Variants in PARN observed in about 807,000 individuals in gnomAD.
PARN encodes poly(A)-specific ribonuclease.
In PARN, 71 loss-of-function variants were observed where a neutral mutation model predicts 102.8. That is an observed-to-expected ratio of 0.69 (90% CI 0.57 to 0.84). The LOEUF (loss-of-function observed/expected upper bound fraction) is 0.84, where lower values mean the gene tolerates loss of function less well. Ranked by LOEUF, PARN falls within the 40% of genes least tolerant of loss-of-function variation. PARN has a pLI of 0.00. For missense variants in PARN, 782 were observed against 760.9 expected (o/e 1.03, Z -0.33); for synonymous variants, 261 against 252.9 (o/e 1.03, Z -0.30).
intron 13 of PARN, among the ~76,000 whole-genome samples, chr16:14,588,750 C>T (rs1352529829): frequency 2.0e-5 from 3 of 151,952 alleles, no homozygotes; most frequent in African/African-American, 4.8e-5. Flanking sequence ...GATGTGGTGG[C>T]GTACACCTGT....
intron 13 of PARN, chr16:14,591,801 G>C (rs1645351605): frequency 6.6e-6 from 1 of 152,198 alleles, no homozygotes; most frequent in South Asian, 2.1e-4. Context: ...ACTTTAGGAG[G>C]CTGAGGCGGG....
At chr16:14,609,169 G>A in intron 7 of PARN, 46 bp from the exon 8 acceptor site, 1 of 901,772 alleles carries the variant, frequency 1.1e-6, no homozygotes, top group Non-Finnish European at 1.7e-6. Flanking sequence ...TTTAAGGAAT[G>A]AAGTCATCAA....
chr16:14,461,489 G>T (rs1038660944), intron 22 of PARN, among the ~76,000 whole-genome samples: 1 of 152,142 alleles, frequency 6.6e-6, no homozygotes. Context: ...TATCCTTTGC[G>T]CTTTCAATGT....
At chr16:14,614,936 T>G (rs1346737813) in intron 6 of PARN, among the ~76,000 whole-genome samples, 1 of 141,026 alleles carries the variant, frequency 7.1e-6, no homozygotes, top group Non-Finnish European at 1.5e-5. Flanking sequence ...GGAGGACACC[T>G]AGCACAGCCT....
intron 21 of PARN, chr16:14,501,459 A>AAAAAAAAAAAAAAAC (rs1555487875): frequency 2.1e-5 from 3 of 143,834 alleles, no homozygotes; most frequent in East Asian, 2.0e-4. Flanking sequence ...AAAAAAAAAA[A>AAAAAAAAAAAAAAAC]ACAGAAAGAA....
At chr16:14,570,811 T>A (rs1337944816) in intron 18 of PARN, among the ~76,000 whole-genome samples, 2 of 107,746 alleles carry the variant, frequency 1.9e-5, no homozygotes, top group African/African-American at 7.3e-5. Flanking sequence ...GGCCCCCACC[T>A]CTACAAAAAA....
intron 6 of PARN, among the ~76,000 whole-genome samples, chr16:14,614,164 G>A (rs1361406024): frequency 1.3e-5 from 2 of 152,038 alleles, no homozygotes; most frequent in Non-Finnish European, 2.9e-5. Flanking sequence ...GGCTGAGGTG[G>A]GAGAATCACT....
At chr16:14,566,554 C>T (rs944981339) in intron 18 of PARN, among the ~76,000 whole-genome samples, 2 of 152,158 alleles carry the variant, frequency 1.3e-5, no homozygotes, top group Non-Finnish European at 2.9e-5. Flanking sequence ...TATTTTAAGC[C>T]ACCAAGCTTG....
intron 22 of PARN, among the ~76,000 whole-genome samples, chr16:14,481,270 G>C (rs971664940): frequency 6.6e-6 from 1 of 152,104 alleles, no homozygotes; most frequent in African/African-American, 2.4e-5. Flanking sequence ...AATAAATGCT[G>C]CATATTTACA....
rs1212926451 is a variant in PARN at position 14,509,026 on chromosome 16, T to C, written c.1481-26199A>G. Among the ~76,000 whole-genome samples, 3 of 151,828 alleles carry C rather than the reference T, an allele frequency of 2.0e-5. No homozygotes were observed. The East Asian group carries it at 5.8e-4, about 29-fold the overall frequency. On this transcript the variant is annotated intron_variant, in intron 21 of 23. Coordinates refer to ENST00000437198, the MANE Select transcript of PARN (RefSeq NM_002582.4). Reference sequence around the variant, plus strand: ...TCCAAAGAAGCAATTAAATTATAAATAAATAAAATTATTCTGAAATAATTA... The same window carrying C: ...TCCAAAGAAGCAATTAAATTATAAACAAATAAAATTATTCTGAAATAATTA...
At chr16:14,563,012 G>A (rs777920965) in intron 18 of PARN, among the ~76,000 whole-genome samples, 20 of 152,130 alleles carry the variant, frequency 1.3e-4, no homozygotes, top group African/African-American at 3.9e-4. Context: ...CCCATTTCAC[G>A]CAGCTATGCT....
chr16:14,479,661 G>T (rs1279645500), intron 22 of PARN, among the ~76,000 whole-genome samples: 1 of 152,010 alleles, frequency 6.6e-6, no homozygotes, highest in East Asian at 1.9e-4. Flanking sequence ...CTGGCATAAG[G>T]AAAAACATAA....
chr16:14,528,540 C>T (rs971867855), intron 21 of PARN, among the ~76,000 whole-genome samples: 1 of 152,238 alleles, frequency 6.6e-6, no homozygotes, highest in Non-Finnish European at 1.5e-5. Flanking sequence ...CTCACACAGT[C>T]TCCATGATGC....
intron 23 of PARN, among the ~76,000 whole-genome samples, chr16:14,441,596 C>G (rs1960945583): frequency 6.6e-6 from 1 of 152,206 alleles, no homozygotes; most frequent in African/African-American, 2.4e-5. Context: ...GAAGGTGAGC[C>G]CCCTCCCTGC....
At chr16:14,538,706 C>T (rs939832544) in intron 21 of PARN, among the ~76,000 whole-genome samples, 2 of 152,132 alleles carry the variant, frequency 1.3e-5, no homozygotes, top group Admixed American at 6.5e-5. Context: ...AAACCGAAGT[C>T]GCCAATCTGT....
intron 21 of PARN, among the ~76,000 whole-genome samples, chr16:14,522,790 G>C (rs1350792967): frequency 6.6e-6 from 1 of 152,140 alleles, no homozygotes; most frequent in Non-Finnish European, 1.5e-5. Context: ...GGCAACCAAA[G>C]CTCCCTGTCC....
intron 21 of PARN, among the ~76,000 whole-genome samples, chr16:14,551,448 A>G (rs890995608): frequency 6.6e-6 from 1 of 151,948 alleles, no homozygotes; most frequent in East Asian, 2.0e-4. Context: ...GCGCGCCTGT[A>G]ATCCCAGCTA....
rs8047959 is a variant in PARN, at chr16:14,474,913, A to G, written c.1670+7725T>C. 8.5e-3 allele frequency among the ~76,000 whole-genome samples: 1,295 copies of G among 152,370 alleles called. 21 individuals are homozygous for G. The highest frequency in any genetic ancestry group is 0.029 in the African/African-American group (1,215 of 41,590). On this transcript the variant is annotated intron_variant, in intron 22 of 23. Coordinates refer to ENST00000437198, the MANE Select transcript of PARN (RefSeq NM_002582.4). ...GGTGAATTAGAATTCTCCTTCCTAAAGGGCTTTTTCCTCACCTTCTAATGT... is the reference window on the plus strand; with the variant it reads ...GGTGAATTAGAATTCTCCTTCCTAAGGGGCTTTTTCCTCACCTTCTAATGT...
chr16:14,579,040 G>C (rs1397334240), intron 18 of PARN, among the ~76,000 whole-genome samples: 1 of 151,766 alleles, frequency 6.6e-6, no homozygotes, highest in Non-Finnish European at 1.5e-5. Flanking sequence ...AGGCTGGAGT[G>C]CAGTGGTGTG....
Sources: allele counts gnomAD v4.1 joint callset (sites outside exome capture counted in the v4.1 genomes callset), GRCh38; gene constraint gnomAD v4.1.1; transcripts MANE v1.5; gene names NCBI Gene and HGNC (gene_info 2026-07-23, HGNC 2026-07-21).